The following ARHGAP4 variants were observed in gnomAD, a reference collection of about 807,000 sequenced individuals.
ARHGAP4 encodes Rho GTPase activating protein 4.
ARHGAP4 carries 25 observed loss-of-function variants against 67.6 expected under a neutral mutation model. The observed-to-expected ratio is 0.37, with a 90% CI of 0.27 to 0.52. ARHGAP4 has a LOEUF of 0.52. Among genes scored for constraint, ARHGAP4 ranks in the 20% least tolerant of loss-of-function variants. The pLI is 0.92. For missense variants in ARHGAP4, 804 were observed against 854.6 expected (o/e 0.94, Z 0.74); for synonymous variants, 448 against 373.7 (o/e 1.20, Z -2.29).
At chrX:153,922,792 T>C (rs781889793) in intron 1 of ARHGAP4, among the ~76,000 whole-genome samples, 5 of 112,091 alleles carry the variant, frequency 4.5e-5, no homozygotes, top group Non-Finnish European at 9.4e-5. Flanking sequence ...ACCCATTCTG[T>C]GGCAGGCACG....
At chrX:153,926,078 C>T in intron 1 of ARHGAP4, 58 bp downstream of exon 1, 4 of 1,177,804 alleles carry the variant, frequency 3.4e-6, no homozygotes, top group Admixed American at 2.3e-5. Flanking sequence ...CTTGGAGCTC[C>T]CTCACGACCT....
At position 153,918,928 on chromosome X, in the gene ARHGAP4, C is replaced by T; in HGVS notation, c.936G>A (p.Leu312=). ...CCTTGGCTTTGTCCCCTGGAGGATC[C>T]AGGGCCTCCACAGCTTCTTCCAGGC... ...LGSLEEAVEA[L]DPPGDKAKVL... Residue 312 remains leucine, a synonymous_variant, in exon 7 of 22, where the codon CTG becomes CTA. Coordinates refer to ENST00000350060, the MANE Select transcript of ARHGAP4 (RefSeq NM_001666.5). 2.5e-6 allele frequency: 3 copies of T among 1,212,194 alleles called. No individual in the cohort carries two copies. The highest frequency in any genetic ancestry group is 3.3e-6 in the Non-Finnish European group (3 of 895,560).
Position 153,921,664 on chromosome X carries a change from G to A in ARHGAP4, c.213C>T (p.Ala71=), listed in dbSNP as rs377399115. The A allele has an allele frequency of 6.5e-5, 78 of 1,208,409 alleles. No homozygotes were observed. The highest frequency in any genetic ancestry group is 7.6e-5 in the Non-Finnish European group (68 of 894,477). The part of the protein sequence containing the change: ...LEYSRGLEKL[A]ERFSSRGGRL... ...GGCCTCCACGGCTGGAGAAGCGCTC[G>A]GCCAGCTTTTCCAGGCCCCGGGAGT... is the stretch of plus-strand genomic sequence containing the variant. Residue 71 remains alanine (A), a synonymous_variant, in exon 2 of 22, where the codon GCC becomes GCT. Transcript: ENST00000350060.
At chrX:153,911,693 C>T (rs1376361868) in intron 12 of ARHGAP4, among the ~76,000 whole-genome samples, 2 of 111,724 alleles carry the variant, frequency 1.8e-5, no homozygotes, top group South Asian at 3.7e-4. Context: ...AGGAGGATCA[C>T]CTGAGGTCAG....
chrX:153,914,346 C>T (rs2065040821), intron 7 of ARHGAP4: 1 of 136,145 alleles, frequency 7.3e-6, no homozygotes, highest in Non-Finnish European at 1.5e-5. Context: ...AAATTGTACA[C>T]TTTACAGTGC....
At chrX:153,920,957 G>GA in intron 4 of ARHGAP4, 140 bp downstream of exon 4, 1 of 839,532 alleles carries the variant, frequency 1.2e-6, no homozygotes, top group Non-Finnish European at 1.6e-6. Context: ...CCTAGGGAGA[G>GA]AGGCCTTTGC....
intron 1 of ARHGAP4, among the ~76,000 whole-genome samples, chrX:153,925,712 A>G (rs1341309060): frequency 5.4e-5 from 6 of 111,970 alleles, no homozygotes; most frequent in African/African-American, 1.6e-4. Context: ...CAGTGGGGTT[A>G]CGGCCAGGTG....
Position 153,910,816 on chromosome X carries a change from T to C in ARHGAP4, c.1700A>G (p.Glu567Gly). 8.4e-7 allele frequency: 1 copy of C among 1,190,376 alleles called. No homozygotes were observed. The highest frequency in any genetic ancestry group is 1.1e-6 in the Non-Finnish European group (1 of 884,366). The change falls in exon 15 of 22, where the codon GAG becomes GGG. Residue 567 changes from glutamate (E) to glycine (G), a missense_variant. Transcript: ENST00000350060. ...AFERGEDPLV[E>G]GCTAHDLDSV... is the part of the protein sequence containing the mutation. Reference sequence around the variant, plus strand: ...GTCCAGGTCATGGGCAGTGCAGCCCTCCACCAGTGGGTCCTCCCCTGCAGA... The same window carrying C: ...GTCCAGGTCATGGGCAGTGCAGCCCCCCACCAGTGGGTCCTCCCCTGCAGA...
chrX:153,916,773 A>G (rs1162181330), intron 7 of ARHGAP4, among the ~76,000 whole-genome samples: 1 of 113,294 alleles, frequency 8.8e-6, no homozygotes, highest in African/African-American at 3.2e-5. Context: ...ATGCAGGAAC[A>G]GGAGAAAACA....
rs782516652 is a variant in ARHGAP4, at chrX:153,907,979, A to T, written c.2608-17T>A. 1.1e-5 allele frequency: 12 copies of T among 1,135,502 alleles called. No individual in the cohort carries two copies. The South Asian group carries it at 2.6e-4, about 25-fold the overall frequency. The allele number at this position is 1,135,502 out of a possible 1,213,427, so 93.6% of individuals were successfully genotyped here. On this transcript the variant is annotated splice_polypyrimidine_tract_variant and intron_variant, in intron 21 of 21. Transcript: ENST00000350060. ...TGCCACAGCCTAGCGGAGGGGAAAG[A>T]AAGGGAGAGTGACCAGTGAGTTCCC...
At position 153,926,237 on chromosome X, in the gene ARHGAP4, C is replaced by T. The variant is rs1211593526; in HGVS notation, c.-35G>A. ...GCGGCCGCGCCGTCGAACCCCACTG[C>T]TCCCACGCGGCCGTGAGCGGGCCCG... is the stretch of plus-strand genomic sequence containing the variant. On this transcript the variant is annotated 5_prime_UTR_variant, in exon 1 of 22. Coordinates refer to ENST00000350060, the MANE Select transcript of ARHGAP4 (RefSeq NM_001666.5). 5 of 1,120,785 alleles carry T rather than the reference C, an allele frequency of 4.5e-6. No individual in the cohort carries two copies. Among genetic ancestry groups the T allele is most frequent in the African/African-American group, 1.9e-5 (1 of 52,418 alleles). The allele number at this position is 1,120,785 out of a possible 1,213,427, so 92.4% of individuals were successfully genotyped here. A position where few individuals can be genotyped will look rare whatever the true frequency, so the allele number is the denominator to read the frequency against.
chrX:153,911,107 G>A (rs189317801), intron 13 of ARHGAP4, 22 bp downstream of exon 13: 28,338 of 1,165,911 alleles, frequency 0.024, 312 homozygotes, highest in Non-Finnish European at 0.028. Flanking sequence ...CAGGACATCG[G>A]GAGGGGCTGG....
chrX:153,908,257 C>T (rs1248381005), intron 21 of ARHGAP4, among the ~76,000 whole-genome samples: 1 of 112,271 alleles, frequency 8.9e-6, no homozygotes, highest in Non-Finnish European at 1.9e-5. Flanking sequence ...CTGCCCATGG[C>T]CTCAGGGACC....
intron 1 of ARHGAP4, among the ~76,000 whole-genome samples, chrX:153,923,802 G>C (rs1264084330): frequency 8.9e-6 from 1 of 112,338 alleles, no homozygotes; most frequent in African/African-American, 3.2e-5. Flanking sequence ...TTTTTGTTTT[G>C]AGACGGAGGA....
At chrX:153,914,861 C>T (rs2065044635) in intron 7 of ARHGAP4, among the ~76,000 whole-genome samples, 1 of 111,678 alleles carries the variant, frequency 9.0e-6, no homozygotes, top group African/African-American at 3.3e-5. Context: ...CAGCTTGCCT[C>T]ATGGGCAGAG....
At chrX:153,913,975 C>T in intron 7 of ARHGAP4, 96 bp from the exon 8 acceptor site, 1 of 805,664 alleles carries the variant, frequency 1.2e-6, no homozygotes, top group South Asian at 2.4e-5. Context: ...CTTTTGTGGC[C>T]TGGCGGCCGG....
Position 153,918,850 on chromosome X carries a change from G to A in ARHGAP4, c.1014C>T (p.His338=). ...CCCTCACCTCATCCCCATCATGGGGGTGGTAGTCAAAGCGCAGCGGGGGAC... is the reference window on the plus strand; with the variant it reads ...CCCTCACCTCATCCCCATCATGGGGATGGTAGTCAAAGCGCAGCGGGGGAC... ...VFCPPLRFDY[H]PHDGDEVAEI... is the part of the protein sequence containing the mutation. The change falls in exon 7 of 22, where the codon CAC becomes CAT. Residue 338 remains histidine, a synonymous_variant. Transcript: ENST00000350060. The A allele has an allele frequency of 2.5e-6, 3 of 1,212,200 alleles. No individual in the cohort carries two copies. The highest frequency in any genetic ancestry group is 2.3e-4 in the Middle Eastern group (1 of 4,351).
At chrX:153,920,831 G>T in intron 4 of ARHGAP4, 23 bp from the exon 5 acceptor site, 1 of 1,210,610 alleles carries the variant, frequency 8.3e-7, no homozygotes, top group Non-Finnish European at 1.1e-6. Flanking sequence ...CCAAAGCAAG[G>T]TGGTGCTGGT....
intron 7 of ARHGAP4, among the ~76,000 whole-genome samples, chrX:153,914,619 C>T (rs1409241190): frequency 1.8e-5 from 2 of 112,283 alleles, no homozygotes; most frequent in Non-Finnish European, 3.8e-5. Flanking sequence ...ATCGCTTGAA[C>T]CCGGGAGGCG....
Sources: gnomAD v4.1 joint callset for allele counts (sites outside exome capture counted in the v4.1 genomes callset) on GRCh38, gnomAD v4.1.1 for gene constraint, MANE v1.5 for transcripts, NCBI Gene and HGNC (gene_info 2026-07-23, HGNC 2026-07-21) for gene names.